Variants in HMGB1 observed in about 807,000 individuals in gnomAD.
HMGB1 encodes high mobility group box 1, also known as high mobility group protein B1.
For missense variants in HMGB1, 79 were observed against 253.5 expected, an observed-to-expected ratio of 0.31 and a Z score of 4.67; for synonymous variants, 81 against 84.0, an observed-to-expected ratio of 0.96 and a Z score of 0.19.
At chr13:30,572,112 C>T (rs1408925902) in intron 1 of HMGB1, among the ~76,000 whole-genome samples, 1 of 152,146 alleles carries the variant, frequency 6.6e-6, no homozygotes, top group East Asian at 1.9e-4. Context: ...TGAGTTAAAA[C>T]TTGAAGAATG....
chr13:30,560,640 T>C lies in HMGB1; in HGVS notation c.-15+56031A>G, dbSNP rs375794606. Among the ~76,000 whole-genome samples the C allele has an allele frequency of 2.6e-3, 397 of 152,298 alleles. 5 individuals carry two copies. Among genetic ancestry groups the C allele is most frequent in the South Asian group, 0.023 (110 of 4,828 alleles). ...AGAAGTTAAAACGCACGCCTCAAGA[T>C]TTGGGAAGGCTTGGGGTTGGGCTTA... On this transcript the variant is annotated intron_variant, in intron 1 of 4. Transcript: ENST00000405805.
chr13:30,511,339 T>C (rs1282167988), intron 1 of HMGB1, among the ~76,000 whole-genome samples: 2 of 152,102 alleles, frequency 1.3e-5, no homozygotes, highest in African/African-American at 4.8e-5. Flanking sequence ...CCCTCATGAA[T>C]GGTTTGGTGC....
intron 1 of HMGB1, among the ~76,000 whole-genome samples, chr13:30,536,322 G>A (rs189163836): frequency 6.6e-6 from 1 of 152,132 alleles, no homozygotes; most frequent in African/African-American, 2.4e-5. Context: ...GCTTCACAAT[G>A]CAATGTACTT....
chr13:30,569,157 C>T (rs1870316371), intron 1 of HMGB1, among the ~76,000 whole-genome samples: 1 of 152,176 alleles, frequency 6.6e-6, no homozygotes, highest in Non-Finnish European at 1.5e-5. Flanking sequence ...CAGAGCTAGA[C>T]TCCTTCATCC....
At chr13:30,508,503 TC>T (rs905989918) in intron 1 of HMGB1, among the ~76,000 whole-genome samples, 2 of 151,296 alleles carry the variant, frequency 1.3e-5, no homozygotes, top group Non-Finnish European at 2.9e-5. Context: ...AGAGCAAGAC[TC>T]CCTCTCAAGA....
intron 1 of HMGB1, among the ~76,000 whole-genome samples, chr13:30,568,583 A>T (rs900472655): frequency 6.6e-6 from 1 of 152,138 alleles, no homozygotes; most frequent in African/African-American, 2.4e-5. Context: ...TTTAGGATGG[A>T]CCCTAAATCC....
At chr13:30,569,423 A>T (rs1290928888) in intron 1 of HMGB1, among the ~76,000 whole-genome samples, 1 of 152,174 alleles carries the variant, frequency 6.6e-6, no homozygotes, top group Non-Finnish European at 1.5e-5. Flanking sequence ...CACCAGTCTT[A>T]GTGTAAACAA....
intron 1 of HMGB1, among the ~76,000 whole-genome samples, chr13:30,501,674 A>G (rs1221922965): frequency 6.6e-6 from 1 of 152,202 alleles, no homozygotes; most frequent in Non-Finnish European, 1.5e-5. Context: ...CTAATAGACA[A>G]TATTATTTCA....
intron 1 of HMGB1, among the ~76,000 whole-genome samples, chr13:30,485,097 T>G (rs1887335117): frequency 6.8e-6 from 1 of 147,134 alleles, no homozygotes; most frequent in African/African-American, 2.5e-5. Flanking sequence ...CATAGTGCAA[T>G]CTCGGCTTAC....
intron 1 of HMGB1, among the ~76,000 whole-genome samples, chr13:30,605,740 A>G (rs749053150): frequency 6.6e-6 from 1 of 152,134 alleles, no homozygotes; most frequent in Non-Finnish European, 1.5e-5. Context: ...ATGGTTCCAG[A>G]GAGGGATTTT....
chr13:30,551,855 G>A (rs1049368877), intron 1 of HMGB1, among the ~76,000 whole-genome samples: 1 of 152,108 alleles, frequency 6.6e-6, no homozygotes, highest in Non-Finnish European at 1.5e-5. Context: ...ACAGCCATGT[G>A]CCACCATGCC....
chr13:30,588,414 C>T lies in HMGB1; in HGVS notation c.-15+28257G>A, dbSNP rs1032157598. Among the ~76,000 whole-genome samples the T allele has an allele frequency of 5.3e-5, 8 of 152,038 alleles. 1 individual carries two copies. The South Asian group carries it at 8.3e-4, about 16-fold the overall frequency. ...AGAACAGGGGAAAGGAGTTCCTGAT[C>T]GGGGATACAATATATGTAAAAACTC... is the stretch of plus-strand genomic sequence containing the variant. On this transcript the variant is annotated intron_variant, in intron 1 of 4. Coordinates refer to the HMGB1 transcript ENST00000405805.
intron 1 of HMGB1, among the ~76,000 whole-genome samples, chr13:30,608,586 C>T (rs1950482754): frequency 1.3e-5 from 2 of 152,154 alleles, no homozygotes; most frequent in Non-Finnish European, 2.9e-5. Flanking sequence ...TTCTGAGGCT[C>T]GGCCAACTTC....
chr13:30,604,484 A>G (rs1950435119), intron 1 of HMGB1, among the ~76,000 whole-genome samples: 1 of 152,168 alleles, frequency 6.6e-6, no homozygotes, highest in Non-Finnish European at 1.5e-5. Flanking sequence ...GGTAGAAGCT[A>G]GGGATGCTAC....
intron 1 of HMGB1, among the ~76,000 whole-genome samples, chr13:30,605,276 G>A (rs1950446460): frequency 6.6e-6 from 1 of 152,162 alleles, no homozygotes; most frequent in East Asian, 1.9e-4. Flanking sequence ...AGAGGCTGGG[G>A]TGGCAATATG....
chr13:30,511,031 C>G (rs1375243762), intron 1 of HMGB1, among the ~76,000 whole-genome samples: 1 of 152,152 alleles, frequency 6.6e-6, no homozygotes, highest in Non-Finnish European at 1.5e-5. Context: ...GTGGAGGAGC[C>G]AGACCCTATT....
chr13:30,486,671 G>A (rs1232781410), intron 1 of HMGB1, among the ~76,000 whole-genome samples: 2 of 152,212 alleles, frequency 1.3e-5, no homozygotes, highest in Non-Finnish European at 2.9e-5. Context: ...AGAAGGAGCT[G>A]GATGGTTCTT....
At chr13:30,518,839 G>A (rs1451008559) in intron 1 of HMGB1, among the ~76,000 whole-genome samples, 1 of 139,012 alleles carries the variant, frequency 7.2e-6, no homozygotes, top group African/African-American at 2.8e-5. Flanking sequence ...CCAAGTAGCT[G>A]GGACCACAAA....
chr13:30,482,053 C>T (rs1259746714), intron 1 of HMGB1, among the ~76,000 whole-genome samples: 1 of 152,126 alleles, frequency 6.6e-6, no homozygotes, highest in Non-Finnish European at 1.5e-5. Flanking sequence ...TGGTCTTGAA[C>T]TCCTGATCTC....
Sources: allele counts gnomAD v4.1 joint callset (sites outside exome capture counted in the v4.1 genomes callset), GRCh38; gene constraint gnomAD v4.1.1; transcripts MANE v1.5; gene names NCBI Gene and HGNC (gene_info 2026-07-23, HGNC 2026-07-21).